CHST10: variants seen among roughly 807,000 people sequenced by gnomAD.
CHST10 encodes the protein carbohydrate sulfotransferase 10.
CHST10 carries 24 observed loss-of-function variants against 34.7 expected under a neutral mutation model. That is an observed-to-expected ratio of 0.69 (90% confidence interval 0.50 to 0.97). CHST10 has a LOEUF of 0.97. CHST10 is among the 50% of genes least tolerant of loss of function. The pLI, the probability that CHST10 is intolerant of heterozygous loss-of-function variation, is 0.00. For missense variants in CHST10, 402 were observed against 452.1 expected (o/e 0.89, Z 1.00); for synonymous variants, 161 against 169.3 (o/e 0.95, Z 0.38).
At chr2:100,401,971 T>G (rs1675362193) in intron 4 of CHST10, among the ~76,000 whole-genome samples, 1 of 151,998 alleles carries the variant, frequency 6.6e-6, no homozygotes, top group Non-Finnish European at 1.5e-5. Context: ...CCTTCCAGAG[T>G]GCACCCCTCA....
Position 100,398,109 on chromosome 2 carries a change from C to G in CHST10, c.226G>C (p.Val76Leu). 3.7e-6 allele frequency: 6 copies of G among 1,613,392 alleles called. No individual in the cohort carries two copies. Among genetic ancestry groups the G allele is most frequent in the Non-Finnish European group, 4.2e-6 (5 of 1,179,644 alleles). ...CGCTCCATGTAGACCAGGGGCTGAA[C>G]GAGCTGGCTGTCTGGAAGCTCCTTC... ...TGKELPDSQL[V>L]QPLVYMERLE... The change falls in exon 5 of 7, where the codon GTT (valine) becomes CTT (leucine). Residue 76 changes from valine (V) to leucine (L), a missense_variant. Transcript: ENST00000264249.
intron 6 of CHST10, 23 bp from the exon 7 acceptor site, chr2:100,393,805 G>A (rs1444368185): frequency 1.9e-6 from 3 of 1,590,130 alleles, no homozygotes; most frequent in Middle Eastern, 1.7e-4. Flanking sequence ...ACGAACAAGA[G>A]GTTAACTTGA....
intron 2 of CHST10, among the ~76,000 whole-genome samples, chr2:100,410,833 T>C (rs1266627104): frequency 6.6e-6 from 1 of 152,132 alleles, no homozygotes; most frequent in Non-Finnish European, 1.5e-5. Context: ...CCAAAAACAT[T>C]TTCATTTCAA....
intron 4 of CHST10, among the ~76,000 whole-genome samples, chr2:100,401,815 G>C (rs901225108): frequency 2.0e-5 from 3 of 152,120 alleles, no homozygotes; most frequent in Admixed American, 2.0e-4. Flanking sequence ...CTTACACTGT[G>C]ACCCATGGAT....
At chr2:100,400,924 GC>G (rs1675310436) in intron 4 of CHST10, among the ~76,000 whole-genome samples, 1 of 151,796 alleles carries the variant, frequency 6.6e-6, no homozygotes, top group Non-Finnish European at 1.5e-5. Context: ...CAGGTGATCT[GC>G]CCGCCTCGGC....
In CHST10 at chr2:100,392,440, T is replaced by C. The variant is rs891633485; in HGVS notation, c.*805A>G. On this transcript the variant is annotated 3_prime_UTR_variant, in exon 7 of 7. Transcript: ENST00000264249. ...GCTCCAAGCCCAACCAGCGCCCCCATTCCTGGGCCATGGTCCTTTTAAGGC... is the reference window on the plus strand; with the variant it reads ...GCTCCAAGCCCAACCAGCGCCCCCACTCCTGGGCCATGGTCCTTTTAAGGC... 1.3e-5 allele frequency: 2 copies of C among 152,268 alleles called. No individual in the cohort carries two copies. Among genetic ancestry groups the C allele is most frequent in the African/African-American group, 2.4e-5 (1 of 41,418 alleles). 9.4% of individuals were successfully genotyped at this position (152,268 alleles called of 1,614,324 possible).
intron 2 of CHST10, chr2:100,408,752 G>C (rs1675690794): frequency 1.3e-5 from 2 of 152,238 alleles, no homozygotes; most frequent in South Asian, 2.1e-4. Context: ...ACTGTGGCCA[G>C]AGGATGCAGG....
intron 3 of CHST10, among the ~76,000 whole-genome samples, chr2:100,404,350 C>A (rs1396526929): frequency 6.6e-6 from 1 of 152,212 alleles, no homozygotes; most frequent in Non-Finnish European, 1.5e-5. Context: ...CACACCAGAT[C>A]TCACAGGGCA....
intron 2 of CHST10, among the ~76,000 whole-genome samples, chr2:100,414,703 A>G (rs1447608726): frequency 6.6e-6 from 1 of 152,146 alleles, no homozygotes; most frequent in Non-Finnish European, 1.5e-5. Flanking sequence ...CCTTGGAACG[A>G]TTAACCACCC....
In CHST10 at chr2:100,393,642, T is replaced by C; in HGVS notation, c.674A>G (p.Tyr225Cys). The C allele has an allele frequency of 6.2e-7, 1 of 1,614,186 alleles. No homozygotes were observed. The change falls in exon 7 of 7, where the codon TAC (tyrosine) becomes TGC (cysteine). Residue 225 changes from tyrosine (Y) to cysteine (C), a missense_variant. By Grantham distance (194) the Tyr-to-Cys change is radical (BLOSUM62 -2). Transcript: ENST00000264249. Reference sequence around the variant, plus strand: ...CCGGGTCTCTGTCCGGTTCCTCCTGTATTTTCTGATGATGCCAGGAGCAAT... The same window carrying C: ...CCGGGTCTCTGTCCGGTTCCTCCTGCATTTTCTGATGATGCCAGGAGCAAT... Reference protein sequence around the residue: ...HEIAPGIIRKYRRNRTETRGI... With the variant: ...HEIAPGIIRKCRRNRTETRGI...
chr2:100,399,566 T>C (rs553907148), intron 4 of CHST10, among the ~76,000 whole-genome samples: 1 of 152,250 alleles, frequency 6.6e-6, no homozygotes, highest in East Asian at 1.9e-4. Context: ...CAACCTGTCC[T>C]CCCAGGGGAC....
intron 2 of CHST10, chr2:100,407,686 A>C (rs1454827287): frequency 1.3e-5 from 2 of 152,124 alleles, no homozygotes; most frequent in South Asian, 4.1e-4. Flanking sequence ...TACATCCTAG[A>C]ATCTCACAGG....
In CHST10 at chr2:100,406,605, A is replaced by G; in HGVS notation, c.71T>C (p.Phe24Ser). 1 of 1,614,202 alleles carries G rather than the reference A, an allele frequency of 6.2e-7. No homozygotes were observed. The highest frequency in any genetic ancestry group is 8.5e-7 in the Non-Finnish European group (1 of 1,180,030). The change falls in exon 3 of 7, where the codon TTC becomes TCC. Residue 24 changes from phenylalanine (F) to serine (S), a missense_variant. Transcript: ENST00000264249. The stretch of plus-strand genomic sequence containing the variant: ...TGGGTCTTTAAAGGTCAACGTGATG[A>G]ACTTGCTAGCCACCATGAACATGAA... Reference protein sequence around the residue: ...VIFMFMVASKFITLTFKDPDV... With the variant: ...VIFMFMVASKSITLTFKDPDV...
At chr2:100,405,694 A>C (rs1675538221) in intron 3 of CHST10, among the ~76,000 whole-genome samples, 1 of 152,208 alleles carries the variant, frequency 6.6e-6, no homozygotes. Context: ...GAGCACAGCA[A>C]AGTGCTGTGC....
intron 3 of CHST10, among the ~76,000 whole-genome samples, chr2:100,405,544 G>C (rs1289725451): frequency 6.6e-6 from 1 of 152,202 alleles, no homozygotes; most frequent in Non-Finnish European, 1.5e-5. Context: ...ATGCCTGGGA[G>C]CTCTGTGAGG....
chr2:100,404,546 C>T (rs533255340), intron 3 of CHST10, among the ~76,000 whole-genome samples: 4 of 152,336 alleles, frequency 2.6e-5, no homozygotes, highest in Admixed American at 6.5e-5. Flanking sequence ...CCCTGTTCTG[C>T]GCCTACACTT....
chr2:100,403,248 A>C (rs981002825), intron 3 of CHST10, among the ~76,000 whole-genome samples: 1 of 152,224 alleles, frequency 6.6e-6, no homozygotes, highest in African/African-American at 2.4e-5. Flanking sequence ...GCTCAGAACC[A>C]ATGAGGAAGT....
chr2:100,404,055 G>A lies in CHST10; in HGVS notation c.101-1400C>T, dbSNP rs142972658. Among the ~76,000 whole-genome samples, 219 of 152,360 alleles carry A rather than the reference G, an allele frequency of 1.4e-3. 2 individuals are homozygous for A. The highest frequency in any genetic ancestry group is 5.0e-3 in the African/African-American group (208 of 41,582). On this transcript the variant is annotated intron_variant, in intron 3 of 6. Transcript: ENST00000264249. ...CAGCGTCCTTGTGCACTGGCAAGAT[G>A]CTGGGTGCCAGCTCGCATCCTGCAT...
intron 3 of CHST10, 65 bp from the exon 4 acceptor site, chr2:100,402,720 A>G: frequency 7.3e-7 from 1 of 1,366,618 alleles, no homozygotes; most frequent in Non-Finnish European, 1.0e-6. Flanking sequence ...ATGGGACAGA[A>G]CAGAGGCCCC....
Sources: gnomAD v4.1 joint callset for allele counts (sites outside exome capture counted in the v4.1 genomes callset) on GRCh38, gnomAD v4.1.1 for gene constraint, MANE v1.5 for transcripts, NCBI Gene and HGNC (gene_info 2026-07-23, HGNC 2026-07-21) for gene names.